The following RUVBL1 variants were observed in gnomAD, a reference collection of about 807,000 sequenced individuals.
The protein encoded by RUVBL1 is RuvB like AAA ATPase 1.
In RUVBL1, 4 loss-of-function variants were observed where a neutral mutation model predicts 52.4. The observed-to-expected ratio is 0.08, with a 90% confidence interval of 0.04 to 0.17. The LOEUF (loss-of-function observed/expected upper bound fraction) is 0.17, where lower values mean the gene tolerates loss of function less well. Among genes scored for constraint, RUVBL1 ranks in the 10% least tolerant of loss-of-function variants. The pLI is 1.00. For synonymous variants in RUVBL1, 217 were observed against 214.4 expected, an observed-to-expected ratio of 1.01 and a Z score of -0.10; for missense variants, 298 against 572.8, an observed-to-expected ratio of 0.52 and a Z score of 4.90.
chr3:128,124,159 G>T (rs1943729912), upstream of RUVBL1, among the ~76,000 whole-genome samples: 1 of 152,082 alleles, frequency 6.6e-6, no homozygotes, highest in Admixed American at 6.5e-5. Context: ...TTTGGAAACA[G>T]AAGAACTGAG....
chr3:128,136,091 A>G (rs577939941), intron 1 of RUVBL1, among the ~76,000 whole-genome samples: 1 of 152,272 alleles, frequency 6.6e-6, no homozygotes, highest in East Asian at 1.9e-4. Flanking sequence ...TGGTAACCAC[A>G]AATTAAAAAA....
At chr3:128,121,187 C>T (rs539358636) in intron 1 of RUVBL1, among the ~76,000 whole-genome samples, 1 of 151,776 alleles carries the variant, frequency 6.6e-6, no homozygotes, top group South Asian at 2.1e-4. Flanking sequence ...CCTCCACCTC[C>T]CAGGTTCAAG....
chr3:128,098,173 A>G (rs1943027799), intron 7 of RUVBL1, among the ~76,000 whole-genome samples: 1 of 152,126 alleles, frequency 6.6e-6, no homozygotes, highest in Non-Finnish European at 1.5e-5. Context: ...TATCATCAGG[A>G]GGGAGCAGCT....
At chr3:128,110,941 C>T (rs1312720055) in intron 3 of RUVBL1, among the ~76,000 whole-genome samples, 1 of 151,754 alleles carries the variant, frequency 6.6e-6, no homozygotes, top group Non-Finnish European at 1.5e-5. Flanking sequence ...GGATTACAGG[C>T]ATGAGCCAGG....
At chr3:128,135,934 T>C (rs2107731461) in intron 1 of RUVBL1, among the ~76,000 whole-genome samples, 1 of 152,274 alleles carries the variant, frequency 6.6e-6, no homozygotes, top group East Asian at 1.9e-4. Context: ...ATATATATCA[T>C]AGAAACAACA....
chr3:128,110,112 C>T (rs1195448235), intron 3 of RUVBL1, among the ~76,000 whole-genome samples: 1 of 152,024 alleles, frequency 6.6e-6, no homozygotes, highest in South Asian at 2.1e-4. Context: ...CCACCGCACT[C>T]GGCCTACATA....
At chr3:128,139,819 T>G (rs1228462753) in intron 1 of RUVBL1, among the ~76,000 whole-genome samples, 1 of 152,078 alleles carries the variant, frequency 6.6e-6, no homozygotes, top group Non-Finnish European at 1.5e-5. Flanking sequence ...ACACTAAAAA[T>G]TAAAAGAATT....
At chr3:128,125,076 G>A (rs1008118450), upstream of RUVBL1, among the ~76,000 whole-genome samples, 1 of 143,704 alleles carries the variant, frequency 7.0e-6, no homozygotes, top group Non-Finnish European at 1.5e-5. Flanking sequence ...GTGCAGTGGC[G>A]CAATCTCGGC....
intron 9 of RUVBL1, chr3:128,069,925 A>G (rs929449438): frequency 1.0e-5 from 4 of 386,744 alleles, no homozygotes; most frequent in Non-Finnish European, 1.9e-5. Flanking sequence ...ATTGTCCCCA[A>G]GTGTCCATGT....
intron 1 of RUVBL1, among the ~76,000 whole-genome samples, chr3:128,140,534 CAA>C (rs1184726765): frequency 6.6e-6 from 1 of 152,062 alleles, no homozygotes; most frequent in Admixed American, 6.6e-5. Flanking sequence ...ATAGGTGGTA[CAA>C]AGTCATAAAA....
rs1328224308 is a variant in RUVBL1, at chr3:128,067,692, A to G, written c.940-2472T>C. 4 of 1,158,132 alleles carry G rather than the reference A, an allele frequency of 3.5e-6. No homozygotes were observed. Among genetic ancestry groups the G allele is most frequent in the South Asian group, 1.4e-5 (1 of 69,304 alleles). 71.7% of individuals were successfully genotyped at this position (1,158,132 alleles called of 1,614,324 possible). On this transcript the variant is annotated intron_variant, in intron 9 of 9. Transcript: ENST00000464873. The surrounding 1 kb of genome is among the most constrained non-coding windows in gnomAD (Gnocchi z 4.1). ...GGTGTGGACTTGTCACCTCATCATAAATAATGGTCTGTGACGTGTGCAGAT... is the reference window on the plus strand; with the variant it reads ...GGTGTGGACTTGTCACCTCATCATAGATAATGGTCTGTGACGTGTGCAGAT...
chr3:128,096,657 T>C (rs1448514746), intron 8 of RUVBL1, among the ~76,000 whole-genome samples: 2 of 152,146 alleles, frequency 1.3e-5, no homozygotes, highest in African/African-American at 4.8e-5. Context: ...AAACCCTGTC[T>C]CTACTAAAAA....
intron 9 of RUVBL1, among the ~76,000 whole-genome samples, chr3:128,085,707 C>G (rs1415640500): frequency 1.3e-5 from 2 of 152,204 alleles, no homozygotes; most frequent in Admixed American, 1.3e-4. Flanking sequence ...GAGATGCTGG[C>G]AGGCCCAGGC....
At chr3:128,150,053 A>G (rs1179084969) in intron 1 of RUVBL1, among the ~76,000 whole-genome samples, 1 of 151,898 alleles carries the variant, frequency 6.6e-6, no homozygotes, top group Non-Finnish European at 1.5e-5. Context: ...TCTTTCATCA[A>G]TTTCCCTCGG....
chr3:128,100,281 T>C (rs988761645), intron 6 of RUVBL1, among the ~76,000 whole-genome samples: 2 of 152,190 alleles, frequency 1.3e-5, no homozygotes, highest in Non-Finnish European at 2.9e-5. Flanking sequence ...CCTGCCCTCC[T>C]GCCATTAACA....
At chr3:128,150,578 A>G (rs1278414518) in intron 1 of RUVBL1, among the ~76,000 whole-genome samples, 1 of 142,832 alleles carries the variant, frequency 7.0e-6, no homozygotes, top group Non-Finnish European at 1.5e-5. Context: ...CCATATATAT[A>G]TTCCACAGAA....
chr3:128,140,232 GT>G (rs60288042), intron 1 of RUVBL1, among the ~76,000 whole-genome samples: 24 of 117,246 alleles, frequency 2.0e-4, no homozygotes, highest in African/African-American at 7.5e-4. Flanking sequence ...TTGTTTGTTT[GT>G]TTTTTTTTTT....
At chr3:128,144,749 G>A (rs1209303787) in intron 1 of RUVBL1, among the ~76,000 whole-genome samples, 3 of 152,220 alleles carry the variant, frequency 2.0e-5, no homozygotes, top group Non-Finnish European at 4.4e-5. Context: ...AGGGATGGTA[G>A]GACAGAGACA....
At position 128,081,492 on chromosome 3, in the gene RUVBL1, G is replaced by C; in HGVS notation, c.1212-83C>G. 1 of 1,419,636 alleles carries C rather than the reference G, an allele frequency of 7.0e-7. No homozygotes were observed. Among genetic ancestry groups the C allele is most frequent in the African/African-American group, 1.4e-5 (1 of 70,128 alleles). The allele number at this position is 1,419,636 out of a possible 1,614,324, so 87.9% of individuals were successfully genotyped here. On this transcript the variant is annotated intron_variant, in intron 10 of 10. Coordinates refer to ENST00000322623, the MANE Select transcript of RUVBL1 (RefSeq NM_003707.3). This position sits in a 1 kb window ranked among gnomAD's most constrained non-coding sequence, Gnocchi z 4.8. ...TCCCCCCACATCAGTAGGCAGCACT[G>C]GCACCAGGAGCAGAGCCCAGTGCTG...
Sources: allele counts gnomAD v4.1 joint callset (sites outside exome capture counted in the v4.1 genomes callset), GRCh38; gene constraint gnomAD v4.1.1; non-coding constraint Gnocchi (gnomAD v3.1); transcripts MANE v1.5; gene names NCBI Gene and HGNC (gene_info 2026-07-23, HGNC 2026-07-21).